The following NAT10 variants were observed in gnomAD, a reference collection of about 807,000 sequenced individuals.
NAT10 encodes the protein N-acetyltransferase 10, also known as RNA cytidine acetyltransferase.
A neutral mutation model predicts 132.2 loss-of-function variants in NAT10; 109 were observed. The observed-to-expected ratio is 0.82, with a 90% CI of 0.71 to 0.97. The LOEUF (loss-of-function observed/expected upper bound fraction) is 0.97, where lower values mean the gene tolerates loss of function less well. NAT10 is among the 50% of genes least tolerant of loss of function. NAT10 has a pLI of 0.00. For synonymous variants in NAT10, 479 were observed against 478.0 expected (o/e 1.00, Z -0.03); for missense variants, 1,184 against 1,263.4 (o/e 0.94, Z 0.95).
In NAT10 at chr11:34,134,352, A is replaced by G. The variant is rs1296243002; in HGVS notation, c.1768A>G (p.Ile590Val). The G allele has an allele frequency of 3.1e-6, 5 of 1,614,080 alleles. No individual in the cohort carries two copies. The highest frequency in any genetic ancestry group is 1.1e-5 in the South Asian group (1 of 91,088). The change falls in exon 17 of 29, where the codon ATC becomes GTC. Residue 590 changes from isoleucine to valine, a missense_variant. Ile to Val is a conservative substitution (Grantham distance 29). Coordinates refer to ENST00000257829, the MANE Select transcript of NAT10 (RefSeq NM_024662.3). ...CLEGEISRQS[I>V]LNSLSRGKKA... is the part of the protein sequence containing the mutation. Reference sequence around the variant, plus strand: ...TGAAGGGGAGATTTCTCGCCAGTCCATCTTGAACAGTCTGTCTCGAGGCAA... The same window carrying G: ...TGAAGGGGAGATTTCTCGCCAGTCCGTCTTGAACAGTCTGTCTCGAGGCAA...
rs1246993651 is a variant in NAT10 at position 34,133,140 on chromosome 11, C to G, written c.1732C>G (p.Gln578Glu). Residue 578 changes from glutamine (Q) to glutamate (E), a missense_variant and splice_region_variant, in exon 16 of 29, where the codon CAG becomes GAG. Gln to Glu is a conservative substitution (Grantham distance 29, BLOSUM62 2). Transcript: ENST00000257829. Reference sequence around the variant, plus strand: ...CCTTCCAGAAGTGCTTGCTGTTATCCAGGTATAGGAGCAGAGGCGTCCTTG... The same window carrying G: ...CCTTCCAGAAGTGCTTGCTGTTATCGAGGTATAGGAGCAGAGGCGTCCTTG... ...NALPEVLAVI[Q>E]VCLEGEISRQ... 1 of 1,609,164 alleles carries G rather than the reference C, an allele frequency of 6.2e-7. No homozygotes were observed. The highest frequency in any genetic ancestry group is 1.3e-5 in the African/African-American group (1 of 74,806).
At chr11:34,117,741 T>A (rs890347756) in intron 6 of NAT10, among the ~76,000 whole-genome samples, 5 of 152,066 alleles carry the variant, frequency 3.3e-5, no homozygotes, top group African/African-American at 7.2e-5. Flanking sequence ...ACCTTCTTCC[T>A]TTTTTTTCTT....
chr11:34,129,900 T>A (rs1481907731), intron 12 of NAT10, among the ~76,000 whole-genome samples: 1 of 152,082 alleles, frequency 6.6e-6, no homozygotes, highest in Non-Finnish European at 1.5e-5. Context: ...TGAGCCACCA[T>A]GCCCGGCCAC....
At chr11:34,133,222 T>C (rs1852137550) in intron 16 of NAT10, 80 bp downstream of exon 16, 2 of 1,103,816 alleles carry the variant, frequency 1.8e-6, no homozygotes, top group Non-Finnish European at 2.8e-6. Flanking sequence ...AATAACTGCA[T>C]TGTGGGAGTT....
chr11:34,105,948 G>T (rs770590233), intron 1 of NAT10, 156 bp downstream of exon 1: 6 of 152,370 alleles, frequency 3.9e-5, no homozygotes, highest in African/African-American at 4.8e-5. Flanking sequence ...GGCGCTCCAA[G>T]ATAACAGAAT....
At chr11:34,129,146 C>CT (rs1852054079) in intron 12 of NAT10, among the ~76,000 whole-genome samples, 2 of 152,278 alleles carry the variant, frequency 1.3e-5, no homozygotes, top group Non-Finnish European at 2.9e-5. Flanking sequence ...TTTCAGTTCT[C>CT]TTAGGGATAC....
At chr11:34,139,978 A>G (rs769753651) in intron 23 of NAT10, among the ~76,000 whole-genome samples, 2 of 152,246 alleles carry the variant, frequency 1.3e-5, no homozygotes, top group African/African-American at 4.8e-5. Flanking sequence ...TAGCATGCAT[A>G]TATGTGTATA....
chr11:34,141,923 C>G, intron 26 of NAT10, 106 bp downstream of exon 26: 1 of 905,298 alleles, frequency 1.1e-6, no homozygotes, highest in Non-Finnish European at 1.7e-6. Flanking sequence ...GTCCTCTGCA[C>G]TAATTGAGCT....
At position 34,132,184 on chromosome 11, in the gene NAT10, A is replaced by C; in HGVS notation, c.1580A>C (p.Gln527Pro). The C allele has an allele frequency of 6.2e-7, 1 of 1,614,132 alleles. No individual in the cohort carries two copies. The highest frequency in any genetic ancestry group is 1.7e-5 in the Admixed American group (1 of 60,014). The part of the protein sequence containing the change: ...CYHKASEVFL[Q>P]RLMALYVASH... ...CACAAGGCCTCTGAAGTTTTCCTCCAACGGCTTATGGCCCTCTACGTGGCT... is the reference window on the plus strand; with the variant it reads ...CACAAGGCCTCTGAAGTTTTCCTCCCACGGCTTATGGCCCTCTACGTGGCT... Residue 527 changes from glutamine (Q) to proline (P), a missense_variant, in exon 15 of 29, where the codon CAA (glutamine) becomes CCA (proline). Transcript: ENST00000257829.
chr11:34,143,401 C>CTCT, intron 27 of NAT10, 44 bp from the exon 28 acceptor site: 1 of 1,544,660 alleles, frequency 6.5e-7, no homozygotes, highest in Non-Finnish European at 8.9e-7. Context: ...AAGCAGTCCC[C>CTCT]TCTTCTTTCT....
At chr11:34,139,169 G>T (rs774949650) in intron 21 of NAT10, 22 bp from the exon 22 acceptor site, 5 of 1,608,580 alleles carry the variant, frequency 3.1e-6, no homozygotes, top group Non-Finnish European at 4.3e-6. Flanking sequence ...CTTGGTGCCA[G>T]TTAAACCTCT....
chr11:34,120,685 C>T (rs890413690), intron 8 of NAT10, among the ~76,000 whole-genome samples: 3 of 152,344 alleles, frequency 2.0e-5, no homozygotes, highest in Middle Eastern at 3.4e-3. Context: ...GATGCACCTG[C>T]TTCATGGAGC....
chr11:34,106,567 G>A (rs911123533), intron 1 of NAT10, among the ~76,000 whole-genome samples: 2 of 152,126 alleles, frequency 1.3e-5, no homozygotes, highest in Non-Finnish European at 2.9e-5. Flanking sequence ...AGAGCAAAAG[G>A]CAGCCCCCAT....
rs769053322 is a variant in NAT10, at chr11:34,112,041, T to G, written c.201-11T>G. ...ACTGGCTCTCATGGGATTGGGGGTG[T>G]GTGATTGCAGTCACCGGAAGAAAAG... On this transcript the variant is annotated splice_polypyrimidine_tract_variant and intron_variant, in intron 3 of 28. Transcript: ENST00000257829. 18 of 1,613,844 alleles carry G rather than the reference T, an allele frequency of 1.1e-5. No homozygotes were observed. The African/African-American group carries it at 2.1e-4, about 19-fold the overall frequency.
chr11:34,120,268 C>T (rs1851869431), intron 8 of NAT10, among the ~76,000 whole-genome samples: 1 of 150,972 alleles, frequency 6.6e-6, no homozygotes, highest in African/African-American at 2.4e-5. Flanking sequence ...GATTTGGTAC[C>T]ATTCTGTTAT....
At chr11:34,121,639 A>G (rs540522871) in intron 8 of NAT10, among the ~76,000 whole-genome samples, 4 of 152,090 alleles carry the variant, frequency 2.6e-5, no homozygotes, top group Admixed American at 2.6e-4. Flanking sequence ...AGGTGAGCGG[A>G]TCACGAGGTC....
At chr11:34,131,979 T>TG (rs1468379760) in intron 14 of NAT10, 146 bp from the exon 15 acceptor site, 1 of 688,126 alleles carries the variant, frequency 1.5e-6, no homozygotes, top group Non-Finnish European at 2.6e-6. Flanking sequence ...CCAACGCGCC[T>TG]GGCCCTCTTC....
intron 23 of NAT10, 61 bp downstream of exon 23, chr11:34,139,556 G>A: frequency 4.8e-6 from 7 of 1,452,898 alleles, no homozygotes; most frequent in Admixed American, 1.7e-5. Flanking sequence ...GGAGGTGGGT[G>A]TGGTGTCCTA....
Position 34,122,446 on chromosome 11 carries a change from T to C in NAT10, c.781-13T>C. 6.2e-7 allele frequency: 1 copy of C among 1,614,086 alleles called. No individual in the cohort carries two copies. Among genetic ancestry groups the C allele is most frequent in the Non-Finnish European group, 8.5e-7 (1 of 1,179,962 alleles). On this transcript the variant is annotated splice_polypyrimidine_tract_variant and intron_variant, in intron 8 of 28. Transcript: ENST00000257829. ...TTTCTTGGAGTTCACCTAATATGTT[T>C]CTGTTTCCACAGGCCAAAGCTGTCT...
Sources: allele counts gnomAD v4.1 joint callset (sites outside exome capture counted in the v4.1 genomes callset), GRCh38; gene constraint gnomAD v4.1.1; transcripts MANE v1.5; gene names NCBI Gene and HGNC (gene_info 2026-07-23, HGNC 2026-07-21).